The following SPOCK1 variants were observed in gnomAD, a reference collection of about 807,000 sequenced individuals.
The protein encoded by SPOCK1 is SPARC (osteonectin), cwcv and kazal like domains proteoglycan 1.
A neutral mutation model predicts 55.3 loss-of-function variants in SPOCK1; 23 were observed. The observed-to-expected ratio is 0.42, with a 90% CI of 0.30 to 0.59. The LOEUF is 0.59. Ranked by LOEUF, SPOCK1 falls within the 20% of genes least tolerant of loss-of-function variation. The probability of loss-of-function intolerance (pLI) is 0.22; values close to 1 mark genes in which losing one functional copy is unlikely to be tolerated. For synonymous variants in SPOCK1, 226 were observed against 221.0 expected (o/e 1.02, Z -0.20); for missense variants, 499 against 552.5 (o/e 0.90, Z 0.97).
At chr5:137,415,284 T>C (rs568804720) in intron 2 of SPOCK1, among the ~76,000 whole-genome samples, 17 of 152,188 alleles carry the variant, frequency 1.1e-4, no homozygotes, top group Non-Finnish European at 2.1e-4. Context: ...ACACAAATAT[T>C]TGTGAGCTAA....
At chr5:137,412,525 A>G (rs1752232398) in intron 2 of SPOCK1, among the ~76,000 whole-genome samples, 1 of 152,230 alleles carries the variant, frequency 6.6e-6, no homozygotes, top group South Asian at 2.1e-4. Flanking sequence ...GAGGGACACA[A>G]TGGAAGCGCA....
rs557582495 is a variant in SPOCK1, at chr5:137,024,014, G to A, written c.590-31414C>T. ...ACACTTGCATCCTTTGCTATTTCAG[G>A]AAGTCTGCAGAAGATCTTCTTAGGC... On this transcript the variant is annotated intron_variant, in intron 6 of 10. Coordinates refer to ENST00000394945, the MANE Select transcript of SPOCK1 (RefSeq NM_004598.4). Among the ~76,000 whole-genome samples the A allele has an allele frequency of 3.9e-4, 54 of 137,406 alleles. No individual in the cohort carries two copies. In the South Asian group the frequency reaches 0.012, roughly 30 times the overall value. 90.1% of individuals were successfully genotyped at this position (137,406 alleles called of 152,430 possible).
chr5:137,182,048 A>G (rs1389620309), intron 3 of SPOCK1, among the ~76,000 whole-genome samples: 4 of 152,204 alleles, frequency 2.6e-5, no homozygotes. Flanking sequence ...CCCCAGGTTG[A>G]TCAATGCACA....
chr5:137,128,246 C>T (rs1321300581), intron 4 of SPOCK1, among the ~76,000 whole-genome samples: 1 of 152,198 alleles, frequency 6.6e-6, no homozygotes, highest in Non-Finnish European at 1.5e-5. Flanking sequence ...CTTGGATTTT[C>T]GAGCCTCCAG....
At chr5:137,262,045 T>C (rs1361320232) in intron 3 of SPOCK1, among the ~76,000 whole-genome samples, 1 of 152,248 alleles carries the variant, frequency 6.6e-6, no homozygotes, top group African/African-American at 2.4e-5. Context: ...GCAAAAGTAC[T>C]ATAAATAAGT....
intron 6 of SPOCK1, among the ~76,000 whole-genome samples, chr5:137,059,551 T>C (rs1580729682): frequency 1.3e-5 from 2 of 152,324 alleles, no homozygotes; most frequent in Middle Eastern, 6.8e-3. Context: ...AAAGATTTTA[T>C]GACAAAGATG....
At chr5:137,162,564 T>A (rs1037793971) in intron 3 of SPOCK1, among the ~76,000 whole-genome samples, 4 of 152,182 alleles carry the variant, frequency 2.6e-5, no homozygotes, top group Non-Finnish European at 5.9e-5. Flanking sequence ...CACAACTGTG[T>A]GCAGAGGTGG....
At chr5:137,017,287 G>T (rs1373976316) in intron 6 of SPOCK1, among the ~76,000 whole-genome samples, 2 of 152,212 alleles carry the variant, frequency 1.3e-5, no homozygotes, top group East Asian at 3.8e-4. Flanking sequence ...CCTTGATGTG[G>T]TAGGAGCTTC....
At chr5:137,016,316 C>T (rs2126977404) in intron 6 of SPOCK1, among the ~76,000 whole-genome samples, 1 of 152,308 alleles carries the variant, frequency 6.6e-6, no homozygotes, top group South Asian at 2.1e-4. Context: ...AAATGAAGGT[C>T]ATGCAATACC....
At chr5:137,334,086 T>C (rs1011178690) in intron 2 of SPOCK1, among the ~76,000 whole-genome samples, 5 of 152,148 alleles carry the variant, frequency 3.3e-5, no homozygotes, top group Non-Finnish European at 7.4e-5. Flanking sequence ...CATTCCTCTC[T>C]CCCTCCCTGT....
chr5:137,434,755 C>A (rs1323381853), intron 2 of SPOCK1, among the ~76,000 whole-genome samples: 1 of 151,956 alleles, frequency 6.6e-6, no homozygotes. Context: ...CCCGCCTCGG[C>A]CTCCCAAAGT....
At chr5:137,193,997 G>A (rs1267522259) in intron 3 of SPOCK1, among the ~76,000 whole-genome samples, 4 of 152,148 alleles carry the variant, frequency 2.6e-5, no homozygotes, top group Non-Finnish European at 1.5e-5. Flanking sequence ...GGCTACCCTA[G>A]CCCCAAAATG....
At chr5:137,480,846 AAG>A (rs1753936679) in intron 2 of SPOCK1, among the ~76,000 whole-genome samples, 1 of 152,184 alleles carries the variant, frequency 6.6e-6, no homozygotes, top group African/African-American at 2.4e-5. Context: ...CTGCTGTCAT[AAG>A]AGAGACTCCT....
chr5:137,102,152 G>GA (rs966161800), intron 5 of SPOCK1, among the ~76,000 whole-genome samples: 6 of 151,860 alleles, frequency 4.0e-5, no homozygotes, highest in Admixed American at 6.6e-5. Context: ...TTCTTCTGCT[G>GA]AAAAAAAATC....
chr5:137,467,843 C>T lies in SPOCK1; in HGVS notation c.186+30530G>A, dbSNP rs185292811. Among the ~76,000 whole-genome samples the T allele has an allele frequency of 5.5e-4, 84 of 152,284 alleles. 1 individual carries two copies. Among genetic ancestry groups the T allele is most frequent in the African/African-American group, 1.9e-3 (81 of 41,554 alleles). On this transcript the variant is annotated intron_variant, in intron 2 of 10. Coordinates refer to ENST00000394945, the MANE Select transcript of SPOCK1 (RefSeq NM_004598.4). ...GAGGCAGATATGTGCCCAAGCAACA[C>T]CAAATAGAAACGTTTCTAATTGGCC...
At chr5:137,043,825 T>C (rs890184231) in intron 6 of SPOCK1, among the ~76,000 whole-genome samples, 2 of 152,206 alleles carry the variant, frequency 1.3e-5, no homozygotes, top group Admixed American at 6.5e-5. Context: ...TGTGGTATCC[T>C]GGATGAGATC....
chr5:137,230,843 C>T (rs1020208197), intron 3 of SPOCK1, among the ~76,000 whole-genome samples: 1 of 152,084 alleles, frequency 6.6e-6, no homozygotes, highest in African/African-American at 2.4e-5. Context: ...TGACTTCTTA[C>T]AAAACATTCC....
At chr5:137,438,198 C>G (rs10479156) in intron 2 of SPOCK1, among the ~76,000 whole-genome samples, 11,923 of 151,844 alleles carry the variant, frequency 0.079, 1,185 homozygotes, top group African/African-American at 0.24. Flanking sequence ...GGGAGGGAGA[C>G]CAGAAACTGG....
At chr5:137,187,047 T>C (rs1755082595) in intron 3 of SPOCK1, among the ~76,000 whole-genome samples, 1 of 152,192 alleles carries the variant, frequency 6.6e-6, no homozygotes, top group Non-Finnish European at 1.5e-5. Flanking sequence ...GGCAGCTCCT[T>C]GGTCTCTTTG....
Sources: gnomAD v4.1 joint callset for allele counts (sites outside exome capture counted in the v4.1 genomes callset) on GRCh38, gnomAD v4.1.1 for gene constraint, MANE v1.5 for transcripts, NCBI Gene and HGNC (gene_info 2026-07-23, HGNC 2026-07-21) for gene names.